Variants in AKR1C3 observed in about 807,000 individuals in gnomAD.
The protein encoded by AKR1C3 is aldo-keto reductase family 1 member C3, also known as 3-alpha hydroxysteroid dehydrogenase, type II.
AKR1C3 carries 48 observed loss-of-function variants against 43.6 expected under a neutral mutation model. The ratio of observed to expected loss-of-function variants is 1.10; its 90% CI spans 0.87 to 1.40. AKR1C3 has a LOEUF of 1.40. AKR1C3 is among the 40% of genes most tolerant of loss of function. The probability of loss-of-function intolerance (pLI) is 0.00; values close to 1 mark genes in which losing one functional copy is unlikely to be tolerated. For synonymous variants in AKR1C3, 162 were observed against 139.6 expected, an observed-to-expected ratio of 1.16 and a Z score of -1.13; for missense variants, 482 against 391.2, an observed-to-expected ratio of 1.23 and a Z score of -1.96.
At chr10:5,104,348 A>G (rs944101579) in intron 7 of AKR1C3, among the ~76,000 whole-genome samples, 10 of 151,722 alleles carry the variant, frequency 6.6e-5, no homozygotes, top group Admixed American at 2.0e-4. Context: ...GCCACCAACA[A>G]TTATTGAAAA....
At chr10:5,066,158 G>C (rs1838496898) in intron 1 of AKR1C3, among the ~76,000 whole-genome samples, 1 of 152,138 alleles carries the variant, frequency 6.6e-6, no homozygotes, top group African/African-American at 2.4e-5. Flanking sequence ...TTGTTATAGA[G>C]ATTTGCAGGA....
In AKR1C3 at chr10:5,054,767, T is replaced by C. The variant is rs188291952; in HGVS notation, c.84+5872T>C. On this transcript the variant is annotated intron_variant, in intron 1 of 8. Transcript: ENST00000439082. ...CCTTCTCTTTGTCTCCCTGTTTCTG[T>C]CTCTGTCTCTTCCCCTCTGTCTCTT... Among the ~76,000 whole-genome samples, 312 of 152,294 alleles carry C rather than the reference T, an allele frequency of 2.0e-3. 2 individuals carry two copies. The highest frequency in any genetic ancestry group is 6.6e-3 in the African/African-American group (276 of 41,564).
At chr10:5,075,495 G>A (rs1049380772) in intron 1 of AKR1C3, among the ~76,000 whole-genome samples, 2 of 151,718 alleles carry the variant, frequency 1.3e-5, no homozygotes, top group Non-Finnish European at 2.9e-5. Context: ...ACACCCTGTC[G>A]GACCATAAAG....
intron 5 of AKR1C3, 29 bp downstream of exon 5, chr10:5,099,478 G>C (rs781800025): frequency 1.9e-6 from 3 of 1,613,866 alleles, no homozygotes; most frequent in Non-Finnish European, 2.5e-6. Flanking sequence ...CTCTCCTTTC[G>C]GTTCTTCATG....
upstream of AKR1C3, among the ~76,000 whole-genome samples, chr10:5,090,921 A>T (rs1298828341): frequency 6.6e-6 from 1 of 152,180 alleles, no homozygotes; most frequent in Non-Finnish European, 1.5e-5. Context: ...AGGACAAGTA[A>T]GATGGAGTCT....
intron 3 of AKR1C3, 73 bp downstream of exon 3, chr10:5,097,623 C>A (rs2245191): frequency 0.23 from 369,387 of 1,605,368 alleles, 43,723 homozygotes; most frequent in Middle Eastern, 0.37. Context: ...GATAGTTGAA[C>A]AGAGCTTTTT....
At chr10:5,098,932 G>C (rs1839281573) in intron 4 of AKR1C3, 53 bp downstream of exon 4, 1 of 1,437,868 alleles carries the variant, frequency 7.0e-7, no homozygotes, top group South Asian at 1.2e-5. Flanking sequence ...GAGAAAATCT[G>C]TTTCCCAGGT....
Position 5,106,988 on chromosome 10 carries a change from G to GGA in AKR1C3, c.930-473_930-472insGA, listed in dbSNP as rs1839519439. 2.0e-5 allele frequency among the ~76,000 whole-genome samples: 3 copies of GGA among 152,144 alleles called. No homozygotes were observed. The South Asian group carries it at 6.2e-4, about 31-fold the overall frequency. ...GTAATTCTTATCATCCATTAAAAAT[G>GGA]TAATAAGTTGGTGTTTATCTGTTCC... On this transcript the variant is annotated intron_variant, in intron 8 of 8. Coordinates refer to ENST00000380554, the MANE Select transcript of AKR1C3 (RefSeq NM_003739.6).
Position 5,107,513 on chromosome 10 carries a change from C to T in AKR1C3, c.*10C>T, listed in dbSNP as rs1554787542. Reference sequence around the variant, plus strand: ...TTCAGATGAATATTAACATGGAGGGCTTTGCCTGATGTCTACCAGAAGCCC... The same window carrying T: ...TTCAGATGAATATTAACATGGAGGGTTTTGCCTGATGTCTACCAGAAGCCC... On this transcript the variant is annotated 3_prime_UTR_variant, in exon 9 of 9. Transcript: ENST00000380554. The T allele has an allele frequency of 5.1e-6, 8 of 1,582,212 alleles. No individual in the cohort carries two copies. The highest frequency in any genetic ancestry group is 1.3e-5 in the African/African-American group (1 of 74,176).
Position 5,082,559 on chromosome 10 carries a change from T to G in AKR1C3, c.85-13851T>G, listed in dbSNP as rs150142579. 4.0e-3 allele frequency among the ~76,000 whole-genome samples: 611 copies of G among 152,284 alleles called. 5 individuals carry two copies. Among genetic ancestry groups the G allele is most frequent in the African/African-American group, 0.013 (539 of 41,568 alleles). ...GGGATGATCATTTTTTTTTTGCTTT[T>G]AAGTATGTTTATATGGTGAATCGTG... On this transcript the variant is annotated intron_variant, in intron 1 of 8. Transcript: ENST00000439082.
At chr10:5,088,347 T>G (rs1839016502) in intron 1 of AKR1C3, among the ~76,000 whole-genome samples, 1 of 152,084 alleles carries the variant, frequency 6.6e-6, no homozygotes. Context: ...TTGGTTCATA[T>G]TCCAGCTTAA....
At chr10:5,100,191 G>A (rs1839313548) in intron 5 of AKR1C3, among the ~76,000 whole-genome samples, 1 of 152,216 alleles carries the variant, frequency 6.6e-6, no homozygotes, top group African/African-American at 2.4e-5. Context: ...CTACTTGGGA[G>A]GCTGAGGCAG....
At chr10:5,090,158 C>T (rs972664670), upstream of AKR1C3, among the ~76,000 whole-genome samples, 1 of 152,040 alleles carries the variant, frequency 6.6e-6, no homozygotes, top group Non-Finnish European at 1.5e-5. Flanking sequence ...TGGGATGGAC[C>T]GTGGAATGAT....
At chr10:5,074,105 C>T (rs187327401) in intron 1 of AKR1C3, among the ~76,000 whole-genome samples, 1 of 152,142 alleles carries the variant, frequency 6.6e-6, no homozygotes, top group East Asian at 1.9e-4. Context: ...GACCTGGAAG[C>T]CCCCTCCCCA....
At chr10:5,067,865 A>G (rs1364046023) in intron 1 of AKR1C3, among the ~76,000 whole-genome samples, 6 of 152,198 alleles carry the variant, frequency 3.9e-5, no homozygotes, top group Non-Finnish European at 8.8e-5. Context: ...CTCAGGAAGG[A>G]CAATGTGGCC....
At chr10:5,052,887 T>C (rs1838181397) in intron 1 of AKR1C3, among the ~76,000 whole-genome samples, 1 of 151,058 alleles carries the variant, frequency 6.6e-6, no homozygotes, top group Non-Finnish European at 1.5e-5. Context: ...GAGTGCCGAT[T>C]GGTGTATTTA....
At chr10:5,091,746 A>C (rs535498672), upstream of AKR1C3, among the ~76,000 whole-genome samples, 1 of 152,132 alleles carries the variant, frequency 6.6e-6, no homozygotes, top group Non-Finnish European at 1.5e-5. Context: ...ATGAATTACA[A>C]ATTTATACAT....
intron 1 of AKR1C3, among the ~76,000 whole-genome samples, chr10:5,088,161 T>C (rs1485209664): frequency 1.3e-5 from 2 of 152,216 alleles, no homozygotes; most frequent in African/African-American, 4.8e-5. Flanking sequence ...TTTCTAGTTT[T>C]ATTCAACTGC....
In AKR1C3 at chr10:5,094,494, C is replaced by G. The variant is rs1219479127; in HGVS notation, c.50C>G (p.Pro17Arg). The G allele has an allele frequency of 1.1e-5, 18 of 1,612,644 alleles. No individual in the cohort carries two copies. Among genetic ancestry groups the G allele is most frequent in the Non-Finnish European group, 1.5e-5 (18 of 1,178,998 alleles). Residue 17 changes from proline to arginine, a missense_variant, in exon 1 of 9, where the codon CCT (proline) becomes CGT (arginine). Physicochemically the swap from Pro to Arg is moderately radical, Grantham distance 103 (BLOSUM62 -2). Coordinates refer to ENST00000380554, the MANE Select transcript of AKR1C3 (RefSeq NM_003739.6). ...AAGCTAAATGATGGCCACTTCATGC[C>G]TGTATTGGGATTTGGCACCTATGCA... Reference protein sequence around the residue: ...CVKLNDGHFMPVLGFGTYAPP... With the variant: ...CVKLNDGHFMRVLGFGTYAPP...
Sources: gnomAD v4.1 joint callset for allele counts (sites outside exome capture counted in the v4.1 genomes callset) on GRCh38, gnomAD v4.1.1 for gene constraint, MANE v1.5 for transcripts, NCBI Gene and HGNC (gene_info 2026-07-23, HGNC 2026-07-21) for gene names.